VWA8: variants seen among roughly 807,000 people sequenced by gnomAD.
VWA8 encodes von Willebrand factor A domain containing 8, also known as von Willebrand factor A domain-containing protein 8.
Under a neutral mutation model 241.5 loss-of-function variants are expected in VWA8, and 221 were observed. The ratio of observed to expected loss-of-function variants is 0.91; its 90% CI spans 0.82 to 1.02. VWA8 has a LOEUF of 1.02. VWA8 is among the 50% of genes least tolerant of loss of function. VWA8 has a pLI of 0.00. For missense variants in VWA8, 2,322 were observed against 2,328.7 expected, an observed-to-expected ratio of 1.00 and a Z score of 0.06; for synonymous variants, 852 against 827.1, an observed-to-expected ratio of 1.03 and a Z score of -0.52.
chr13:41,824,613 A>G (rs1366789560), intron 14 of VWA8, among the ~76,000 whole-genome samples: 4 of 152,012 alleles, frequency 2.6e-5, no homozygotes, highest in Non-Finnish European at 5.9e-5. Flanking sequence ...GGACTGCTTG[A>G]GGCTAGGAGT....
intron 40 of VWA8, 51 bp from the exon 41 acceptor site, chr13:41,590,816 C>G: frequency 6.3e-7 from 1 of 1,594,508 alleles, no homozygotes. Context: ...TATGCAGAGT[C>G]TCTGACATAC....
At chr13:41,930,749 G>T (rs1427543335) in intron 2 of VWA8, among the ~76,000 whole-genome samples, 3 of 152,122 alleles carry the variant, frequency 2.0e-5, no homozygotes, top group Non-Finnish European at 2.9e-5. Context: ...TTAGAGTTGG[G>T]TCCCATCCCC....
chr13:41,594,118 A>AT (rs1179046769), intron 40 of VWA8, among the ~76,000 whole-genome samples: 30 of 138,500 alleles, frequency 2.2e-4, no homozygotes, highest in South Asian at 9.7e-4. Context: ...CATTTTTGTA[A>AT]TTTTTGTTTT....
intron 37 of VWA8, among the ~76,000 whole-genome samples, chr13:41,642,789 C>G (rs1381369891): frequency 6.6e-6 from 1 of 151,444 alleles, no homozygotes; most frequent in Non-Finnish European, 1.5e-5. Context: ...ATTAGCCAGG[C>G]GTGGTGACAG....
At chr13:41,573,474 TAAAAAAA>T (rs543021636) in intron 43 of VWA8, among the ~76,000 whole-genome samples, 6 of 126,726 alleles carry the variant, frequency 4.7e-5, no homozygotes, top group African/African-American at 1.7e-4. Context: ...GGCTATAGTT[TAAAAAAA>T]AAAAAATATA....
At chr13:41,641,900 C>T (rs1216290260) in intron 37 of VWA8, among the ~76,000 whole-genome samples, 1 of 151,772 alleles carries the variant, frequency 6.6e-6, no homozygotes, top group Non-Finnish European at 1.5e-5. Context: ...TCTAAAACAC[C>T]AGAGAGATTC....
intron 2 of VWA8, chr13:41,927,006 A>T (rs1876878207): frequency 2.3e-6 from 1 of 436,778 alleles, no homozygotes; most frequent in African/African-American, 2.0e-5. Context: ...GGCAAATGGC[A>T]CCGCTCTAAA....
At position 41,671,243 on chromosome 13, in the gene VWA8, A is replaced by G. The variant is rs3818591; in HGVS notation, c.4410-96T>C. 3.8e-5 allele frequency: 50 copies of G among 1,308,982 alleles called. No homozygotes were observed. In the East Asian group the frequency reaches 1.2e-3, roughly 31 times the overall value. The allele number at this position is 1,308,982 out of a possible 1,614,324, so 81.1% of individuals were successfully genotyped here. On this transcript the variant is annotated intron_variant, in intron 36 of 44. Transcript: ENST00000379310. ...TAATGTTCTTTACTGTTGAAAAAGT[A>G]TGCTCACACTACTCATTATTTTATA...
chr13:41,933,207 C>A (rs1367099539), intron 2 of VWA8, among the ~76,000 whole-genome samples: 3 of 151,884 alleles, frequency 2.0e-5, no homozygotes, highest in Non-Finnish European at 4.4e-5. Flanking sequence ...AAGACAATAT[C>A]ATTTACAATA....
At chr13:41,784,609 G>C (rs1048624193) in intron 18 of VWA8, among the ~76,000 whole-genome samples, 3 of 149,552 alleles carry the variant, frequency 2.0e-5, no homozygotes, top group African/African-American at 7.4e-5. Flanking sequence ...GCTACAGTGA[G>C]CCATGATTGC....
intron 3 of VWA8, among the ~76,000 whole-genome samples, chr13:41,908,809 A>G (rs1875848842): frequency 6.6e-6 from 1 of 152,212 alleles, no homozygotes; most frequent in African/African-American, 2.4e-5. Flanking sequence ...ACATTCTCCA[A>G]TCAAATAAGG....
rs1228885719 is a variant in VWA8, at chr13:41,568,284, A to C, written c.5631T>G (p.Ala1877=). 6.2e-7 allele frequency: 1 copy of C among 1,614,182 alleles called. No individual in the cohort carries two copies. The highest frequency in any genetic ancestry group is 2.2e-5 in the East Asian group (1 of 44,882). ...QATRLQRTLP[A]GRSFVAMDTK... is the part of the protein sequence containing the mutation. The stretch of plus-strand genomic sequence containing the variant: ...TATCCATGGCAACGAAAGACCGACC[A>C]GCTGGTAAAGTTCTCTGAAGCCTGC... The change falls in exon 45 of 45, where the codon GCT becomes GCG. Residue 1877 remains alanine (A), a synonymous_variant. Transcript: ENST00000379310.
intron 26 of VWA8, among the ~76,000 whole-genome samples, chr13:41,712,275 G>T (rs2045323611): frequency 6.6e-6 from 1 of 152,100 alleles, no homozygotes. Flanking sequence ...ACATAGAAAT[G>T]AGAAATATTC....
chr13:41,712,262 A>C (rs989346189), intron 26 of VWA8, among the ~76,000 whole-genome samples: 2 of 152,204 alleles, frequency 1.3e-5, no homozygotes, highest in African/African-American at 4.8e-5. Context: ...AAATGACACC[A>C]ACACATAGAA....
At chr13:41,693,103 C>T (rs1352207885) in intron 29 of VWA8, 131 bp from the exon 30 acceptor site, 8 of 562,896 alleles carry the variant, frequency 1.4e-5, no homozygotes, top group Non-Finnish European at 2.4e-5. Flanking sequence ...TATTGTAATA[C>T]TTAAGAAATA....
intron 39 of VWA8, among the ~76,000 whole-genome samples, chr13:41,608,883 T>C (rs7319878): frequency 0.99 from 151,185 of 152,318 alleles, 75,037 homozygotes; most frequent in East Asian, 1. Context: ...AAACCAGATA[T>C]AAACAGATGC....
chr13:41,903,742 C>A (rs1875568795), intron 4 of VWA8, among the ~76,000 whole-genome samples: 1 of 152,108 alleles, frequency 6.6e-6, no homozygotes. Context: ...GGCCATATTA[C>A]AGGGTTTGGA....
At chr13:41,873,152 A>G (rs1172296471) in intron 9 of VWA8, among the ~76,000 whole-genome samples, 1 of 152,204 alleles carries the variant, frequency 6.6e-6, no homozygotes, top group Admixed American at 6.5e-5. Flanking sequence ...AAGACATAAC[A>G]TACCAGAATC....
At chr13:41,887,082 T>C in intron 6 of VWA8, 115 bp downstream of exon 6, 3 of 1,242,910 alleles carry the variant, frequency 2.4e-6, no homozygotes, top group Non-Finnish European at 3.3e-6. Flanking sequence ...CTCATATCTT[T>C]CCATGACCTA....
Sources: allele counts gnomAD v4.1 joint callset (sites outside exome capture counted in the v4.1 genomes callset), GRCh38; gene constraint gnomAD v4.1.1; transcripts MANE v1.5; gene names NCBI Gene and HGNC (gene_info 2026-07-23, HGNC 2026-07-21).